Variants in MAP2K6 observed in about 807,000 individuals in gnomAD.
MAP2K6 encodes dual specificity mitogen-activated protein kinase kinase 6.
Under a neutral mutation model 53.7 loss-of-function variants are expected in MAP2K6, and 16 were observed. The ratio of observed to expected loss-of-function variants is 0.30; its 90% CI spans 0.20 to 0.45. The LOEUF is 0.45. MAP2K6 is among the 20% of genes least tolerant of loss of function. The pLI, the probability that MAP2K6 is intolerant of heterozygous loss-of-function variation, is 1.00. For synonymous variants in MAP2K6, 132 were observed against 143.1 expected, an observed-to-expected ratio of 0.92 and a Z score of 0.55; for missense variants, 204 against 411.9, an observed-to-expected ratio of 0.50 and a Z score of 4.37.
At position 69,526,831 on chromosome 17, in the gene MAP2K6, C is replaced by T. The variant is rs933093785; in HGVS notation, c.881+122C>T. 90 of 1,240,422 alleles carry T rather than the reference C, an allele frequency of 7.3e-5. 1 individual carries two copies. The South Asian group carries it at 1.1e-3, about 16-fold the overall frequency. The allele number at this position is 1,240,422 out of a possible 1,614,324, so 76.8% of individuals were successfully genotyped here. A position where few individuals can be genotyped will look rare whatever the true frequency, so the allele number is the denominator to read the frequency against. Reference sequence around the variant, plus strand: ...ATTCCGAAAGCATTTGTGGAGTATGCCCTCTCTGCTGGAGAAGCAAAGATG... The same window carrying T: ...ATTCCGAAAGCATTTGTGGAGTATGTCCTCTCTGCTGGAGAAGCAAAGATG... On this transcript the variant is annotated intron_variant, in intron 10 of 11. Transcript: ENST00000590474.
In MAP2K6 at chr17:69,489,326, C is replaced by T. The variant is rs143412448; in HGVS notation, c.17-16454C>T. 4.3e-3 allele frequency among the ~76,000 whole-genome samples: 648 copies of T among 152,036 alleles called. 5 individuals are homozygous for T. Among genetic ancestry groups the T allele is most frequent in the African/African-American group, 0.015 (609 of 41,486 alleles). On this transcript the variant is annotated intron_variant, in intron 1 of 11. Coordinates refer to ENST00000590474, the MANE Select transcript of MAP2K6 (RefSeq NM_002758.4). Reference sequence around the variant, plus strand: ...TACATGGAACATATTTACTCTAATACGTTTCACCCACATTTCTGTGATCAC... The same window carrying T: ...TACATGGAACATATTTACTCTAATATGTTTCACCCACATTTCTGTGATCAC...
chr17:69,437,391 A>G (rs1906682959), intron 1 of MAP2K6, among the ~76,000 whole-genome samples: 1 of 152,194 alleles, frequency 6.6e-6, no homozygotes, highest in East Asian at 1.9e-4. Flanking sequence ...GCTAAGGAGG[A>G]GGAGGAAGAA....
intron 1 of MAP2K6, among the ~76,000 whole-genome samples, chr17:69,449,543 T>TTG (rs369202163): frequency 0.073 from 6,424 of 87,848 alleles, 222 homozygotes; most frequent in Middle Eastern, 0.12. Context: ...CTTTCTTTCT[T>TTG]TCTTTCTTTC....
intron 1 of MAP2K6, among the ~76,000 whole-genome samples, chr17:69,451,947 G>A (rs951511048): frequency 1.3e-5 from 2 of 152,134 alleles, no homozygotes; most frequent in African/African-American, 4.8e-5. Flanking sequence ...TGAGATCCCT[G>A]GAGGTGGGTG....
chr17:69,524,629 C>G (rs1405993128), intron 8 of MAP2K6, among the ~76,000 whole-genome samples: 1 of 151,866 alleles, frequency 6.6e-6, no homozygotes, highest in African/African-American at 2.4e-5. Context: ...TAATGTATAC[C>G]CTGTTTCTTC....
At chr17:69,446,517 A>G (rs1481174886) in intron 1 of MAP2K6, among the ~76,000 whole-genome samples, 1 of 152,220 alleles carries the variant, frequency 6.6e-6, no homozygotes, top group Non-Finnish European at 1.5e-5. Flanking sequence ...CAGAGCTCTC[A>G]TGTGTATCAG....
At chr17:69,496,383 C>T (rs1453838273) in intron 1 of MAP2K6, among the ~76,000 whole-genome samples, 4 of 151,820 alleles carry the variant, frequency 2.6e-5, no homozygotes, top group African/African-American at 7.2e-5. Flanking sequence ...GCGATTCTCC[C>T]GCCTCAGCCT....
rs1379752256 is a variant in MAP2K6 at position 69,549,106 on chromosome 17, A to G, written c.*7353A>G. Reference sequence around the variant, plus strand: ...TGACATCACTTGTATTATCATTTGAACTTGGACATTGAGCCCTTTATTTTT... The same window carrying G: ...TGACATCACTTGTATTATCATTTGAGCTTGGACATTGAGCCCTTTATTTTT... On this transcript the variant is annotated 3_prime_UTR_variant, in exon 12 of 12. Transcript: ENST00000590474. The G allele has an allele frequency of 6.6e-6, 1 of 152,202 alleles. No individual in the cohort carries two copies. The highest frequency in any genetic ancestry group is 1.5e-5 in the Non-Finnish European group (1 of 68,026). The allele number at this position is 152,202 out of a possible 1,614,324, so 9.4% of individuals were successfully genotyped here. A position where few individuals can be genotyped will look rare whatever the true frequency, so the allele number is the denominator to read the frequency against.
Position 69,474,665 on chromosome 17 carries a change from T to C in MAP2K6, c.17-31115T>C, listed in dbSNP as rs74465129. Among the ~76,000 whole-genome samples the C allele has an allele frequency of 2.0e-5, 3 of 152,240 alleles. No homozygotes were observed. The East Asian group carries it at 5.8e-4, about 29-fold the overall frequency. ...AGCTCTGGACAAGTTGATCTCTTTC[T>C]ATGACCACAGCTGTTCCAGATGGTG... On this transcript the variant is annotated intron_variant, in intron 1 of 11. Transcript: ENST00000590474.
intron 1 of MAP2K6, among the ~76,000 whole-genome samples, chr17:69,476,803 C>T (rs1598280582): frequency 6.6e-6 from 1 of 152,224 alleles, no homozygotes; most frequent in Non-Finnish European, 1.5e-5. Context: ...GCATCTCCCT[C>T]TGCCATTGGT....
rs530457886 is a variant in MAP2K6, at chr17:69,425,345, C to G, written c.16+10345C>G. On this transcript the variant is annotated intron_variant, in intron 1 of 11. Coordinates refer to ENST00000590474, the MANE Select transcript of MAP2K6 (RefSeq NM_002758.4). ...TGTTTTTTTCTGAGATGGCGTATAG[C>G]TCTGTCACCCAGGCTGGAGTACAGT... Among the ~76,000 whole-genome samples, 3 of 151,774 alleles carry G rather than the reference C, an allele frequency of 2.0e-5. No individual in the cohort carries two copies. The East Asian group carries it at 5.8e-4, about 29-fold the overall frequency.
At chr17:69,441,840 T>C (rs749672151) in intron 1 of MAP2K6, among the ~76,000 whole-genome samples, 19 of 152,170 alleles carry the variant, frequency 1.2e-4, no homozygotes, top group African/African-American at 3.1e-4. Context: ...ACGGGGCCTC[T>C]GTTGGCACCT....
In MAP2K6 at chr17:69,528,814, G is replaced by A. The variant is rs186192572; in HGVS notation, c.881+2105G>A. ...GCAGAGGTTGCAGTGAGCTGAGATT[G>A]CACCACTGCACTCCAGCCTGGGTGA... On this transcript the variant is annotated intron_variant, in intron 10 of 11. Transcript: ENST00000590474. Among the ~76,000 whole-genome samples, 263 of 125,904 alleles carry A rather than the reference G, an allele frequency of 2.1e-3. 3 individuals are homozygous for A. Among genetic ancestry groups the A allele is most frequent in the African/African-American group, 7.8e-3 (249 of 32,096 alleles). 82.6% of individuals were successfully genotyped at this position (125,904 alleles called of 152,430 possible).
At chr17:69,460,882 G>A (rs1907603324) in intron 1 of MAP2K6, among the ~76,000 whole-genome samples, 1 of 152,294 alleles carries the variant, frequency 6.6e-6, no homozygotes, top group South Asian at 2.1e-4. Context: ...TTACAGGCCT[G>A]AGCCACCATA....
chr17:69,520,223 T>C lies in MAP2K6; in HGVS notation c.367-47T>C, dbSNP rs1288408982. 3 of 935,986 alleles carry C rather than the reference T, an allele frequency of 3.2e-6. No homozygotes were observed. In the African/African-American group the frequency reaches 5.0e-5, roughly 16 times the overall value. The allele number at this position is 935,986 out of a possible 1,614,324, so 58.0% of individuals were successfully genotyped here. A position where few individuals can be genotyped will look rare whatever the true frequency, so the allele number is the denominator to read the frequency against. The stretch of plus-strand genomic sequence containing the variant: ...TGTTTTTTTTTTTTATTTTTATTTC[T>C]CCCTTTTTCATCCTTTTAAACAATT... On this transcript the variant is annotated intron_variant, in intron 5 of 11. Coordinates refer to ENST00000590474, the MANE Select transcript of MAP2K6 (RefSeq NM_002758.4).
At chr17:69,453,076 C>G (rs1031880952) in intron 1 of MAP2K6, among the ~76,000 whole-genome samples, 1 of 152,114 alleles carries the variant, frequency 6.6e-6, no homozygotes, top group African/African-American at 2.4e-5. Flanking sequence ...GACACTTTGC[C>G]TTTTGCTGGG....
rs143559309 is a variant in MAP2K6 at position 69,468,568 on chromosome 17, G to A, written c.17-37212G>A. Among the ~76,000 whole-genome samples the A allele has an allele frequency of 7.2e-4, 109 of 152,338 alleles. 1 individual carries two copies. In the South Asian group the frequency reaches 0.013, roughly 18 times the overall value. On this transcript the variant is annotated intron_variant, in intron 1 of 11. Transcript: ENST00000590474. ...TTTGAGGTGGAGGATGAAAGGGAAGGTATCCTTTGCGTAGGGTTGATGAAC... is the reference window on the plus strand; with the variant it reads ...TTTGAGGTGGAGGATGAAAGGGAAGATATCCTTTGCGTAGGGTTGATGAAC...
intron 1 of MAP2K6, among the ~76,000 whole-genome samples, chr17:69,457,020 C>A (rs936024771): frequency 2.6e-5 from 4 of 152,202 alleles, no homozygotes; most frequent in Admixed American, 2.6e-4. Flanking sequence ...CACGTTTTTG[C>A]ATATGCTGTT....
At chr17:69,483,777 C>G (rs185963819) in intron 1 of MAP2K6, among the ~76,000 whole-genome samples, 1 of 151,994 alleles carries the variant, frequency 6.6e-6, no homozygotes, top group Non-Finnish European at 1.5e-5. Flanking sequence ...AATCGAAAGT[C>G]CATAAATAAA....
Sources: gnomAD v4.1 joint callset for allele counts (sites outside exome capture counted in the v4.1 genomes callset) on GRCh38, gnomAD v4.1.1 for gene constraint, MANE v1.5 for transcripts, NCBI Gene and HGNC (gene_info 2026-07-23, HGNC 2026-07-21) for gene names.